PABPC4L: variants seen among roughly 807,000 people sequenced by gnomAD.
PABPC4L encodes polyadenylate-binding protein 4-like.
For missense variants in PABPC4L, 452 were observed against 451.4 expected, an observed-to-expected ratio of 1.00 and a Z score of -0.01; for synonymous variants, 169 against 164.1, an observed-to-expected ratio of 1.03 and a Z score of -0.23.
At chr4:134,130,400 GC>G in the PABPC4L span, among the ~76,000 whole-genome samples, 2 of 152,166 alleles carry the variant, frequency 1.3e-5, no homozygotes, top group African/African-American at 4.8e-5. Context: ...TATTATGAAT[GC>G]CTTTATGCAG....
At chr4:134,178,380 A>G in the PABPC4L span, among the ~76,000 whole-genome samples, 1 of 151,700 alleles carries the variant, frequency 6.6e-6, no homozygotes, top group African/African-American at 2.4e-5. Context: ...AAAAAAAAAA[A>G]AAAAAAATCC....
At chr4:134,010,237 T>C in the PABPC4L span, among the ~76,000 whole-genome samples, 2 of 152,190 alleles carry the variant, frequency 1.3e-5, no homozygotes, top group Middle Eastern at 3.4e-3. Context: ...GCAACCTGCT[T>C]TACAACTGTC....
At chr4:134,035,986 A>T in the PABPC4L span, among the ~76,000 whole-genome samples, 1 of 152,078 alleles carries the variant, frequency 6.6e-6, no homozygotes, top group Non-Finnish European at 1.5e-5. Context: ...CAAGAACAAC[A>T]TGAGGAAAAC....
chr4:134,195,270 A>C (rs1729623317), downstream of PABPC4L, among the ~76,000 whole-genome samples: 3 of 151,766 alleles, frequency 2.0e-5, no homozygotes, highest in South Asian at 6.2e-4. Flanking sequence ...CTTTAACTTC[A>C]AGGAATTAAT....
At chr4:134,174,960 G>T in the PABPC4L span, among the ~76,000 whole-genome samples, 1 of 151,958 alleles carries the variant, frequency 6.6e-6, no homozygotes, top group South Asian at 2.1e-4. Context: ...CTTTAAGTAT[G>T]GTTTCATTGT....
the PABPC4L span, among the ~76,000 whole-genome samples, chr4:133,951,063 C>T: frequency 6.6e-6 from 1 of 152,162 alleles, no homozygotes; most frequent in Non-Finnish European, 1.5e-5. Context: ...GATAAGCTAC[C>T]TTTCTTACAT....
At chr4:134,123,136 A>C in the PABPC4L span, among the ~76,000 whole-genome samples, 1 of 152,012 alleles carries the variant, frequency 6.6e-6, no homozygotes, top group East Asian at 1.9e-4. Context: ...TGTCTTTTAA[A>C]GGCACCTTAT....
Position 134,197,407 on chromosome 4 carries a change from T to C in PABPC4L, c.*2500A>G, listed in dbSNP as rs1453428742. The C allele has an allele frequency of 2.0e-5, 3 of 151,772 alleles. No individual in the cohort carries two copies. Among genetic ancestry groups the C allele is most frequent in the Admixed American group, 1.3e-4 (2 of 15,234 alleles). 9.4% of individuals were successfully genotyped at this position (151,772 alleles called of 1,614,324 possible). On this transcript the variant is annotated 3_prime_UTR_variant, in exon 2 of 2. Transcript: ENST00000421491. ...TACAGATAAATTGTGTGGGTGTATA[T>C]ATATTTGTGTGAATATATGTATTTA... is the stretch of plus-strand genomic sequence containing the variant.
the PABPC4L span, among the ~76,000 whole-genome samples, chr4:134,154,260 A>G: frequency 6.6e-6 from 1 of 152,134 alleles, no homozygotes; most frequent in Admixed American, 6.6e-5. Context: ...GTTTGAGATC[A>G]GCCTGGGCAA....
chr4:134,136,250 T>G, the PABPC4L span, among the ~76,000 whole-genome samples: 1 of 152,132 alleles, frequency 6.6e-6, no homozygotes, highest in Non-Finnish European at 1.5e-5. Flanking sequence ...CTGTATTTAT[T>G]GAGCTTGTTC....
At chr4:133,972,636 A>C in the PABPC4L span, among the ~76,000 whole-genome samples, 1 of 152,230 alleles carries the variant, frequency 6.6e-6, no homozygotes, top group Non-Finnish European at 1.5e-5. Flanking sequence ...TGATGTGAAC[A>C]ACAATTGATA....
At chr4:134,059,025 A>G in the PABPC4L span, among the ~76,000 whole-genome samples, 3 of 152,100 alleles carry the variant, frequency 2.0e-5, no homozygotes, top group Admixed American at 1.3e-4. Context: ...TATTGAGTGA[A>G]CAAATATCTC....
the PABPC4L span, among the ~76,000 whole-genome samples, chr4:134,034,587 A>C: frequency 6.6e-6 from 1 of 152,160 alleles, no homozygotes; most frequent in African/African-American, 2.4e-5. Context: ...CAACATTCAC[A>C]GCAATTTGGA....
At chr4:134,016,173 G>T in the PABPC4L span, among the ~76,000 whole-genome samples, 1 of 152,016 alleles carries the variant, frequency 6.6e-6, no homozygotes, top group Non-Finnish European at 1.5e-5. Context: ...AGTATCTTCC[G>T]CATCTGTCAT....
the PABPC4L span, among the ~76,000 whole-genome samples, chr4:133,978,518 A>C: frequency 6.6e-6 from 1 of 151,928 alleles, no homozygotes; most frequent in Admixed American, 6.6e-5. Flanking sequence ...CAGGAGTTAG[A>C]GGTGGAAGGA....
chr4:133,971,678 T>C, the PABPC4L span, among the ~76,000 whole-genome samples: 10 of 152,222 alleles, frequency 6.6e-5, no homozygotes, highest in East Asian at 1.9e-3. Context: ...GCCACCTCTG[T>C]CACTTGGTCT....
the PABPC4L span, among the ~76,000 whole-genome samples, chr4:134,039,594 T>C: frequency 6.6e-6 from 1 of 152,254 alleles, no homozygotes; most frequent in Non-Finnish European, 1.5e-5. Context: ...TTTGTGTCTT[T>C]TGATCTTTGT....
At chr4:134,157,759 ATGT>A in the PABPC4L span, among the ~76,000 whole-genome samples, 1 of 151,560 alleles carries the variant, frequency 6.6e-6, no homozygotes, top group African/African-American at 2.4e-5. Flanking sequence ...TCACTTTTTA[ATGT>A]TGTTTTTTCA....
At chr4:134,140,348 C>A in the PABPC4L span, among the ~76,000 whole-genome samples, 3 of 151,542 alleles carry the variant, frequency 2.0e-5, no homozygotes, top group Admixed American at 6.6e-5. Context: ...TAAATATATG[C>A]AATAAAAGTA....
Sources: gnomAD v4.1 joint callset for allele counts (sites outside exome capture counted in the v4.1 genomes callset) on GRCh38, gnomAD v4.1.1 for gene constraint, MANE v1.5 for transcripts, NCBI Gene and HGNC (gene_info 2026-07-23, HGNC 2026-07-21) for gene names.